Variants in MICU2 observed in about 807,000 individuals in gnomAD.
MICU2 encodes the protein calcium uptake protein 2, mitochondrial.
A neutral mutation model predicts 60.4 loss-of-function variants in MICU2; 64 were observed. The ratio of observed to expected loss-of-function variants is 1.06; its 90% CI spans 0.87 to 1.31. The LOEUF (loss-of-function observed/expected upper bound fraction) is 1.31, where lower values mean the gene tolerates loss of function less well. MICU2 is among the 50% of genes most tolerant of loss of function. The pLI is 0.00. For synonymous variants in MICU2, 201 were observed against 175.0 expected, an observed-to-expected ratio of 1.15 and a Z score of -1.17; for missense variants, 569 against 531.0, an observed-to-expected ratio of 1.07 and a Z score of -0.70.
chr13:21,566,261 A>C (rs1325091454), intron 2 of MICU2, among the ~76,000 whole-genome samples: 1 of 152,206 alleles, frequency 6.6e-6, no homozygotes, highest in Non-Finnish European at 1.5e-5. Flanking sequence ...TTCACAGACT[A>C]CTTCTTCAAT....
At chr13:21,582,068 C>A (rs2138058595) in intron 1 of MICU2, among the ~76,000 whole-genome samples, 1 of 152,272 alleles carries the variant, frequency 6.6e-6, no homozygotes, top group Non-Finnish European at 1.5e-5. Context: ...GTGGCCATCA[C>A]ATTAACTATG....
chr13:21,525,950 T>C (rs1490315834), intron 4 of MICU2, among the ~76,000 whole-genome samples: 12 of 141,368 alleles, frequency 8.5e-5, no homozygotes, highest in African/African-American at 3.1e-4. Context: ...ATTTATTTAT[T>C]TTTTAACAAG....
chr13:21,578,786 C>T (rs766514286), intron 1 of MICU2, among the ~76,000 whole-genome samples: 11 of 152,122 alleles, frequency 7.2e-5, no homozygotes, highest in Non-Finnish European at 1.3e-4. Context: ...TAAATTACTG[C>T]ATATTGCTAA....
rs776360955 is a variant in MICU2, at chr13:21,562,606, C to T, written c.358+4191G>A. Among the ~76,000 whole-genome samples, 171 of 152,082 alleles carry T rather than the reference C, an allele frequency of 1.1e-3. 3 individuals carry two copies. Among genetic ancestry groups the T allele is most frequent in the Admixed American group, 6.5e-4 (10 of 15,270 alleles). On this transcript the variant is annotated intron_variant, in intron 2 of 11. Transcript: ENST00000382374. ...TATATATTTGCAACTAATCTAAGTC[C>T]ACTTTCAAATAACACTATACCACTT...
At chr13:21,549,695 T>C (rs1277764624) in intron 2 of MICU2, among the ~76,000 whole-genome samples, 3 of 152,232 alleles carry the variant, frequency 2.0e-5, no homozygotes, top group African/African-American at 4.8e-5. Context: ...AAAACCAGCA[T>C]AGGGCAAAAT....
At chr13:21,554,345 G>A (rs1355549082) in intron 2 of MICU2, among the ~76,000 whole-genome samples, 1 of 152,184 alleles carries the variant, frequency 6.6e-6, no homozygotes, top group Non-Finnish European at 1.5e-5. Flanking sequence ...TCAGATCACA[G>A]TGCAATCAAA....
At chr13:21,551,808 G>A (rs1246500608) in intron 2 of MICU2, among the ~76,000 whole-genome samples, 1 of 151,846 alleles carries the variant, frequency 6.6e-6, no homozygotes, top group East Asian at 1.9e-4. Flanking sequence ...TGGTGTATAT[G>A]TGCCACATTT....
intron 1 of MICU2, among the ~76,000 whole-genome samples, chr13:21,577,707 A>T (rs1315848006): frequency 1.4e-5 from 2 of 146,018 alleles, no homozygotes; most frequent in Admixed American, 7.1e-5. Flanking sequence ...TGGGAGGCTG[A>T]GGTGGAAGAA....
intron 4 of MICU2, among the ~76,000 whole-genome samples, chr13:21,534,014 G>A (rs1338411745): frequency 1.3e-5 from 2 of 151,826 alleles, no homozygotes; most frequent in Non-Finnish European, 2.9e-5. Flanking sequence ...CTTGAACCCG[G>A]GAGGTGGAGG....
At chr13:21,507,874 A>AT (rs1284632540) in intron 8 of MICU2, among the ~76,000 whole-genome samples, 17 of 151,524 alleles carry the variant, frequency 1.1e-4, no homozygotes, top group Non-Finnish European at 1.8e-4. Context: ...AAGTGCTGGG[A>AT]TACAGACATG....
intron 1 of MICU2, among the ~76,000 whole-genome samples, chr13:21,577,804 C>CAAAAAAA (rs56200015): frequency 2.1e-5 from 1 of 47,908 alleles, no homozygotes; most frequent in African/African-American, 7.4e-5. Context: ...GACTCGGTCT[C>CAAAAAAA]AAAAAAAAAA....
intron 2 of MICU2, among the ~76,000 whole-genome samples, chr13:21,556,587 CAG>C (rs1887713498): frequency 6.6e-6 from 1 of 152,034 alleles, no homozygotes; most frequent in African/African-American, 2.4e-5. Context: ...AAGAATGAGA[CAG>C]TGGAGAGAAA....
At chr13:21,520,347 A>G (rs1886686059) in intron 6 of MICU2, among the ~76,000 whole-genome samples, 1 of 152,234 alleles carries the variant, frequency 6.6e-6, no homozygotes, top group Admixed American at 6.5e-5. Context: ...GATATATGTT[A>G]CTTTAAAAGA....
rs534417410 is a variant in MICU2, at chr13:21,553,865, A to C, written c.358+12932T>G. Among the ~76,000 whole-genome samples the C allele has an allele frequency of 3.1e-3, 467 of 152,310 alleles. 2 individuals carry two copies. Among genetic ancestry groups the C allele is most frequent in the African/African-American group, 0.011 (447 of 41,558 alleles). On this transcript the variant is annotated intron_variant, in intron 2 of 11. Transcript: ENST00000382374. The stretch of plus-strand genomic sequence containing the variant: ...TATCAAGCAAATGGAAAACAAAAAA[A>C]GGCAGGGGTTGCAATCCTAGTCTCT...
At chr13:21,562,163 A>C (rs1490252255) in intron 2 of MICU2, among the ~76,000 whole-genome samples, 1 of 151,960 alleles carries the variant, frequency 6.6e-6, no homozygotes, top group East Asian at 1.9e-4. Flanking sequence ...ATAGTGCCGC[A>C]ATCAACATAC....
intron 2 of MICU2, among the ~76,000 whole-genome samples, chr13:21,553,227 C>T (rs1887618244): frequency 6.6e-6 from 1 of 152,046 alleles, no homozygotes; most frequent in Non-Finnish European, 1.5e-5. Flanking sequence ...ATTTGGCTCT[C>T]TGTCTGTTAC....
At chr13:21,603,845 G>A (rs1433046582) in intron 1 of MICU2, 94 bp downstream of exon 1, 2 of 1,390,882 alleles carry the variant, frequency 1.4e-6, no homozygotes, top group African/African-American at 1.5e-5. Context: ...CCACGGCTCC[G>A]GGAGAGCCGC....
intron 11 of MICU2, among the ~76,000 whole-genome samples, chr13:21,493,871 T>C (rs1228086842): frequency 6.6e-6 from 1 of 151,910 alleles, no homozygotes; most frequent in Non-Finnish European, 1.5e-5. Flanking sequence ...TAAAAATACA[T>C]GTGGATTACT....
At chr13:21,603,631 A>C (rs912215452) in intron 1 of MICU2, 18 of 425,486 alleles carry the variant, frequency 4.2e-5, no homozygotes, top group African/African-American at 3.1e-4. Flanking sequence ...CCTCGAATTA[A>C]GACACGCCCA....
Sources: allele counts gnomAD v4.1 joint callset (sites outside exome capture counted in the v4.1 genomes callset), GRCh38; gene constraint gnomAD v4.1.1; transcripts MANE v1.5; gene names NCBI Gene and HGNC (gene_info 2026-07-23, HGNC 2026-07-21).